The following ILRUN variants were observed in gnomAD, a reference collection of about 807,000 sequenced individuals.
The protein encoded by ILRUN is inflammation and lipid regulator with UBA-like and NBR1-like domains, also known as protein ILRUN.
Under a neutral mutation model 33.8 loss-of-function variants are expected in ILRUN, and 3 were observed. That is an observed-to-expected ratio of 0.09 (90% CI 0.04 to 0.23). The LOEUF (loss-of-function observed/expected upper bound fraction) is 0.23, where lower values mean the gene tolerates loss of function less well. ILRUN is among the 10% of genes least tolerant of loss of function. ILRUN has a pLI of 1.00. For synonymous variants in ILRUN, 124 were observed against 138.9 expected (o/e 0.89, Z 0.75); for missense variants, 210 against 375.1 (o/e 0.56, Z 3.64).
chr6:34,636,340 C>T (rs1762368127), intron 3 of ILRUN, among the ~76,000 whole-genome samples: 1 of 150,878 alleles, frequency 6.6e-6, no homozygotes, highest in South Asian at 2.1e-4. Context: ...ACTGACATTC[C>T]CTTTGTAAAT....
chr6:34,651,829 G>T (rs778931590), intron 2 of ILRUN, among the ~76,000 whole-genome samples: 120 of 119,162 alleles, frequency 1.0e-3, no homozygotes, highest in Non-Finnish European at 1.8e-3. Context: ...GTCTGGCTCT[G>T]TTGCCCAGGC....
rs574600116 is a variant in ILRUN at position 34,629,772 on chromosome 6, TTC to T, written c.511+16827_511+16828del. 1.9e-3 allele frequency among the ~76,000 whole-genome samples: 287 copies of T among 152,350 alleles called. 1 individual carries two copies. Among genetic ancestry groups the T allele is most frequent in the African/African-American group, 6.6e-3 (275 of 41,584 alleles). On this transcript the variant is annotated intron_variant, in intron 3 of 4. Coordinates refer to ENST00000374023, the MANE Select transcript of ILRUN (RefSeq NM_024294.4). Reference sequence around the variant, plus strand: ...GTTTCTGTTCCTTTCTCTATTCTCCTTCTGTTATTCCCATTATGTGTGTATGT... The same window carrying T: ...GTTTCTGTTCCTTTCTCTATTCTCCTTGTTATTCCCATTATGTGTGTATGT...
At chr6:34,654,948 C>T (rs1762740157) in intron 1 of ILRUN, among the ~76,000 whole-genome samples, 169 bp from the exon 2 acceptor site, 1 of 152,044 alleles carries the variant, frequency 6.6e-6, no homozygotes, top group African/African-American at 2.4e-5. Context: ...AGGAAAAACA[C>T]CAGGACCAAC....
At chr6:34,693,498 C>T (rs942397214) in intron 1 of ILRUN, among the ~76,000 whole-genome samples, 2 of 151,378 alleles carry the variant, frequency 1.3e-5, no homozygotes, top group South Asian at 2.1e-4. Context: ...GGGGACTACA[C>T]GCATGCACCA....
At chr6:34,647,045 G>GACA (rs10651460) in intron 2 of ILRUN, among the ~76,000 whole-genome samples, 67,514 of 151,722 alleles carry the variant, frequency 0.44, 17,015 homozygotes, top group African/African-American at 0.7. Flanking sequence ...AGTTCCTCAA[G>GACA]ACAAGTATTT....
chr6:34,592,755 A>C lies in ILRUN; in HGVS notation c.862-2155T>G, dbSNP rs553503454. On this transcript the variant is annotated intron_variant, in intron 4 of 4. Coordinates refer to ENST00000374023, the MANE Select transcript of ILRUN (RefSeq NM_024294.4). The surrounding 1 kb of genome is among the most constrained non-coding windows in gnomAD (Gnocchi z 4.0). Reference sequence around the variant, plus strand: ...TTAAAACAAGCTGCCCTGACTCAGCAGTTCCCAACAACAATCATTCATCTA... The same window carrying C: ...TTAAAACAAGCTGCCCTGACTCAGCCGTTCCCAACAACAATCATTCATCTA... Among the ~76,000 whole-genome samples the C allele has an allele frequency of 7.9e-5, 12 of 152,314 alleles. No homozygotes were observed. In the South Asian group the frequency reaches 2.5e-3, roughly 32 times the overall value.
chr6:34,681,581 A>T (rs1763358140), intron 1 of ILRUN, among the ~76,000 whole-genome samples: 1 of 152,172 alleles, frequency 6.6e-6, no homozygotes, highest in African/African-American at 2.4e-5. Flanking sequence ...CTGCCAACAT[A>T]GCAAGACCCC....
intron 1 of ILRUN, among the ~76,000 whole-genome samples, chr6:34,683,499 CATATATATATATATACAT>C (rs1763445474): frequency 1.2e-5 from 1 of 84,562 alleles, no homozygotes; most frequent in Non-Finnish European, 2.1e-5. Context: ...TATATATATA[CATATATATATATATACAT>C]ATATATATAT....
chr6:34,683,163 TTTATGTGTATTTGTATATATGTG>T (rs1185637134), intron 1 of ILRUN, among the ~76,000 whole-genome samples: 16 of 150,762 alleles, frequency 1.1e-4, no homozygotes, highest in African/African-American at 3.9e-4. Flanking sequence ...CACACGTGTG[TTTATGTGTATTTGTATATATGTG>T]TATGTGTATA....
intron 1 of ILRUN, among the ~76,000 whole-genome samples, chr6:34,670,708 T>C (rs112983306): frequency 0.023 from 3,514 of 150,712 alleles, 101 homozygotes; most frequent in African/African-American, 0.064. Flanking sequence ...ATACAAAACT[T>C]AGCCAGGTGT....
chr6:34,690,440 G>A lies in ILRUN; in HGVS notation c.158+6006C>T, dbSNP rs564524532. On this transcript the variant is annotated intron_variant, in intron 1 of 4. Coordinates refer to ENST00000374023, the MANE Select transcript of ILRUN (RefSeq NM_024294.4). ...TGCGCCACTGCACTCCAGCCTGGGC[G>A]ACAGAGTGAAACTATGTCTCAAAAA... 5.3e-5 allele frequency among the ~76,000 whole-genome samples: 8 copies of A among 151,938 alleles called. No individual in the cohort carries two copies. The East Asian group carries it at 5.8e-4, about 11-fold the overall frequency.
Sources: allele counts gnomAD v4.1 joint callset (sites outside exome capture counted in the v4.1 genomes callset), GRCh38; gene constraint gnomAD v4.1.1; non-coding constraint Gnocchi (gnomAD v3.1); transcripts MANE v1.5; gene names NCBI Gene and HGNC (gene_info 2026-07-23, HGNC 2026-07-21).